Variants in ATE1 observed in about 807,000 individuals in gnomAD.
ATE1 encodes the protein arginyltransferase 1.
Under a neutral mutation model 70.5 loss-of-function variants are expected in ATE1, and 36 were observed. The ratio of observed to expected loss-of-function variants is 0.51; its 90% CI spans 0.39 to 0.67. The LOEUF (loss-of-function observed/expected upper bound fraction) is 0.67. ATE1 is among the 30% of genes least tolerant of loss of function. ATE1 has a pLI of 0.00. For synonymous variants in ATE1, 232 were observed against 219.3 expected (o/e 1.06, Z -0.51); for missense variants, 593 against 629.5 (o/e 0.94, Z 0.62).
chr10:121,870,338 C>A (rs1290928766), intron 7 of ATE1, among the ~76,000 whole-genome samples: 1 of 152,168 alleles, frequency 6.6e-6, no homozygotes, highest in African/African-American at 2.4e-5. Context: ...TCTCACAACT[C>A]CTACATAATA....
At chr10:121,790,026 TCTTA>T in intron 11 of ATE1, 139 bp downstream of exon 11, 1 of 469,052 alleles carries the variant, frequency 2.1e-6, no homozygotes, top group Non-Finnish European at 2.8e-6. Flanking sequence ...TCTTCCTCTA[TCTTA>T]CACACACACA....
At chr10:121,851,162 T>A (rs148919440) in intron 8 of ATE1, among the ~76,000 whole-genome samples, 2 of 139,870 alleles carry the variant, frequency 1.4e-5, no homozygotes, top group South Asian at 4.8e-4. Context: ...GGCTCACAGC[T>A]GTAATCTCTG....
At chr10:121,773,258 T>C (rs1945594080) in intron 11 of ATE1, among the ~76,000 whole-genome samples, 1 of 152,248 alleles carries the variant, frequency 6.6e-6, no homozygotes, top group Non-Finnish European at 1.5e-5. Context: ...CATGTGTACT[T>C]TGAAGCAATG....
chr10:121,783,750 T>C (rs927903667), intron 11 of ATE1, among the ~76,000 whole-genome samples: 4 of 152,176 alleles, frequency 2.6e-5, no homozygotes, highest in African/African-American at 9.7e-5. Context: ...ACAAAGCAAG[T>C]GTAACTAACA....
intron 10 of ATE1, among the ~76,000 whole-genome samples, chr10:121,814,561 C>A (rs1203564563): frequency 6.6e-6 from 1 of 152,134 alleles, no homozygotes; most frequent in Admixed American, 6.5e-5. Flanking sequence ...GCTACTGCCA[C>A]AAACTTGGAC....
In ATE1 at chr10:121,755,395, C is replaced by T. The variant is rs1369457895; in HGVS notation, c.1379-11537G>A. Among the ~76,000 whole-genome samples the T allele has an allele frequency of 2.6e-5, 4 of 152,056 alleles. No individual in the cohort carries two copies. In the East Asian group the frequency reaches 5.8e-4, roughly 22 times the overall value. On this transcript the variant is annotated intron_variant, in intron 11 of 11. Transcript: ENST00000224652. Reference sequence around the variant, plus strand: ...GTTTAGAAAAAAATACAGAGTAAAACAGAAAAAGTGATAAGGCAAATGTGG... The same window carrying T: ...GTTTAGAAAAAAATACAGAGTAAAATAGAAAAAGTGATAAGGCAAATGTGG...
chr10:121,762,781 A>C (rs1945107139), intron 11 of ATE1, among the ~76,000 whole-genome samples: 1 of 152,248 alleles, frequency 6.6e-6, no homozygotes, highest in African/African-American at 2.4e-5. Flanking sequence ...AGCTTTTACG[A>C]ATCTTAAATG....
chr10:121,858,824 G>A (rs1469507535), intron 8 of ATE1, among the ~76,000 whole-genome samples: 5 of 151,774 alleles, frequency 3.3e-5, no homozygotes, highest in Non-Finnish European at 7.4e-5. Flanking sequence ...GGCCGGGCGC[G>A]GTGGCTCACG....
chr10:121,847,867 C>G (rs1023469234), intron 8 of ATE1, among the ~76,000 whole-genome samples: 5 of 150,676 alleles, frequency 3.3e-5, no homozygotes, highest in Non-Finnish European at 7.4e-5. Flanking sequence ...CTCAGGAGAT[C>G]GAGACCATCC....
intron 10 of ATE1, among the ~76,000 whole-genome samples, chr10:121,808,784 T>C (rs1947200430): frequency 6.6e-6 from 1 of 152,176 alleles, no homozygotes; most frequent in African/African-American, 2.4e-5. Flanking sequence ...CTTAGCAGCC[T>C]TTTCATGTAA....
rs1347208788 is a variant in ATE1, at chr10:121,927,072, TAG to T, written c.106+770_106+771del. 1.9e-5 allele frequency: 19 copies of T among 985,304 alleles called. No homozygotes were observed. In the African/African-American group the frequency reaches 2.8e-4, roughly 14 times the overall value. 61.0% of individuals were successfully genotyped at this position (985,304 alleles called of 1,614,324 possible). A position where few individuals can be genotyped will look rare whatever the true frequency, so the allele number is the denominator to read the frequency against. On this transcript the variant is annotated intron_variant, in intron 1 of 11. Transcript: ENST00000224652. ...AAGCTAGACTGTTCTATTAAAATAA[TAG>T]AGTCTACATTCTATATTGGCAAATG...
rs939820516 is a variant in ATE1 at position 121,913,795 on chromosome 10, C to T, written c.332G>A (p.Cys111Tyr). The T allele has an allele frequency of 7.5e-6, 12 of 1,610,158 alleles. No homozygotes were observed. Among genetic ancestry groups the T allele is most frequent in the Admixed American group, 6.7e-5 (4 of 59,820 alleles). The change falls in exon 4 of 12, where the codon TGT (cysteine) becomes TAT (tyrosine). Residue 111 changes from cysteine (C) to tyrosine (Y), a missense_variant. Transcript: ENST00000224652. Reference protein sequence around the residue: ...LAKGEVPKGSCEDEPMDSTMD... With the variant: ...LAKGEVPKGSYEDEPMDSTMD... ...TTAGACCCAGCCCATCTTACCCTCA[C>T]AACTTCCTTTGGGAACCTCCCCTTT...
intron 9 of ATE1, 22 bp downstream of exon 9, chr10:121,841,060 T>C (rs765175787): frequency 1.3e-6 from 2 of 1,495,826 alleles, no homozygotes; most frequent in African/African-American, 1.4e-5. Flanking sequence ...CCCACTACAA[T>C]AACGGCAAAA....
At chr10:121,792,352 G>A (rs749992155) in intron 10 of ATE1, among the ~76,000 whole-genome samples, 41 of 152,122 alleles carry the variant, frequency 2.7e-4, no homozygotes, top group Non-Finnish European at 5.1e-4. Flanking sequence ...GATGAAATGG[G>A]AAGGCTTGTT....
At chr10:121,825,914 T>C (rs890094852) in intron 10 of ATE1, among the ~76,000 whole-genome samples, 7 of 152,204 alleles carry the variant, frequency 4.6e-5, no homozygotes, top group Admixed American at 2.6e-4. Context: ...AGCCCAGGGA[T>C]TGGGGCAGCC....
intron 10 of ATE1, among the ~76,000 whole-genome samples, chr10:121,797,345 C>A (rs973702671): frequency 1.3e-5 from 2 of 152,092 alleles, no homozygotes; most frequent in African/African-American, 2.4e-5. Flanking sequence ...TGATGTAATT[C>A]ATATACCATT....
chr10:121,831,048 C>A (rs1336856220), intron 10 of ATE1, among the ~76,000 whole-genome samples: 1 of 152,144 alleles, frequency 6.6e-6, no homozygotes, highest in Admixed American at 6.5e-5. Context: ...CCTGAAATCA[C>A]AAGTTATTCT....
intron 10 of ATE1, among the ~76,000 whole-genome samples, chr10:121,791,222 T>A (rs1946443268): frequency 6.6e-6 from 1 of 151,722 alleles, no homozygotes; most frequent in Non-Finnish European, 1.5e-5. Context: ...GCCTCCCAAG[T>A]AGCTGGGGTT....
intron 8 of ATE1, among the ~76,000 whole-genome samples, chr10:121,853,495 G>A (rs12260743): frequency 6.6e-6 from 1 of 151,852 alleles, no homozygotes; most frequent in African/African-American, 2.4e-5. Flanking sequence ...GAGCATTTCA[G>A]ATTTTAGATT....
Sources: allele counts gnomAD v4.1 joint callset (sites outside exome capture counted in the v4.1 genomes callset), GRCh38; gene constraint gnomAD v4.1.1; transcripts MANE v1.5; gene names NCBI Gene and HGNC (gene_info 2026-07-23, HGNC 2026-07-21).